Variants in GNAS observed in about 807,000 individuals in gnomAD.
The protein encoded by GNAS is protein ALEX.
Under a neutral mutation model 54.5 loss-of-function variants are expected in GNAS, and 8 were observed. The ratio of observed to expected loss-of-function variants is 0.15; its 90% CI spans 0.09 to 0.26. The LOEUF is 0.26. Ranked by LOEUF, GNAS falls within the 10% of genes least tolerant of loss-of-function variation. The pLI is 1.00. For synonymous variants in GNAS, 204 were observed against 191.4 expected, an observed-to-expected ratio of 1.07 and a Z score of -0.54; for missense variants, 170 against 529.8, an observed-to-expected ratio of 0.32 and a Z score of 6.67.
intron 1 of GNAS, among the ~76,000 whole-genome samples, chr20:58,845,013 G>T (rs528989258): frequency 2.1e-5 from 3 of 144,388 alleles, no homozygotes; most frequent in Admixed American, 7.1e-5. Flanking sequence ...CATCCTGAGA[G>T]TCGTATTTAG....
intron 3 of GNAS, chr20:58,903,076 C>T (rs974391150): frequency 3.0e-6 from 1 of 329,480 alleles, no homozygotes; most frequent in Middle Eastern, 1.1e-3. Flanking sequence ...CCTGTGCTCA[C>T]TGGTTCTCTC....
chr20:58,847,386 C>T (rs561017343), intron 1 of GNAS, among the ~76,000 whole-genome samples: 2 of 152,338 alleles, frequency 1.3e-5, no homozygotes, highest in African/African-American at 2.4e-5. Context: ...GCTGCCTCCA[C>T]CGGCCAAGGC....
intron 6 of GNAS, among the ~76,000 whole-genome samples, chr20:58,907,793 C>T (rs889340938): frequency 3.9e-4 from 59 of 152,360 alleles, no homozygotes; most frequent in African/African-American, 1.4e-3. Context: ...TCAAACAGCC[C>T]TGCATCTGCC....
chr20:58,849,909 A>G (rs2086088865), intron 1 of GNAS, among the ~76,000 whole-genome samples: 1 of 152,198 alleles, frequency 6.6e-6, no homozygotes, highest in Non-Finnish European at 1.5e-5. Flanking sequence ...CAGAACAAAA[A>G]ACTTTCAACA....
In GNAS at chr20:58,898,823, C is replaced by T. The variant is rs188830960; in HGVS notation, c.213-118C>T. The T allele has an allele frequency of 3.6e-5, 33 of 912,522 alleles. 1 individual carries two copies. The highest frequency in any genetic ancestry group is 3.1e-4 in the Middle Eastern group (1 of 3,250). 56.5% of individuals were successfully genotyped at this position (912,522 alleles called of 1,614,324 possible). On this transcript the variant is annotated intron_variant, in intron 2 of 12. Transcript: ENST00000371085. The stretch of plus-strand genomic sequence containing the variant: ...TTGCCGGGAGGATGGATGGCTGGCG[C>T]GCGAATTGTTGCTTTTGCTCTTGGC...
chr20:58,873,319 G>A lies in GNAS; in HGVS notation c.44-22293G>A, dbSNP rs2087588396. Among the ~76,000 whole-genome samples, 1 of 152,130 alleles carries A rather than the reference G, an allele frequency of 6.6e-6. No homozygotes were observed. The highest frequency in any genetic ancestry group is 1.5e-5 in the Non-Finnish European group (1 of 68,020). ...TTGGGAAATGTTTAGTGGAAATTTA[G>A]CATAAAATGACATGCCTAATTTAAG... On this transcript the variant is annotated intron_variant, in intron 1 of 12. Coordinates refer to the GNAS transcript ENST00000306090. The surrounding 1 kb of genome is among the most constrained non-coding windows in gnomAD (Gnocchi z 4.3).
intron 1 of GNAS, among the ~76,000 whole-genome samples, chr20:58,848,298 C>T (rs2145519099): frequency 6.6e-6 from 1 of 152,368 alleles, no homozygotes; most frequent in East Asian, 1.9e-4. Context: ...CAGCCCTACA[C>T]TCCAGCACAC....
intron 1 of GNAS, among the ~76,000 whole-genome samples, chr20:58,874,592 C>T (rs962326657): frequency 3.2e-4 from 49 of 150,778 alleles, no homozygotes; most frequent in African/African-American, 1.1e-3. Flanking sequence ...TCTAGCCTTA[C>T]ATCTTAGCTC....
Position 58,910,120 on chromosome 20 carries a change from G to T in GNAS, c.970+39G>T. On this transcript the variant is annotated intron_variant, in intron 11 of 12. Transcript: ENST00000371085. The surrounding 1 kb of genome is among the most constrained non-coding windows in gnomAD (Gnocchi z 5.8). ...CCACTCTTGCTGGCTGTTCATTGCGGTGGTTCTTTTTCAAACGGTCAGGCT... is the reference window on the plus strand; with the variant it reads ...CCACTCTTGCTGGCTGTTCATTGCGTTGGTTCTTTTTCAAACGGTCAGGCT... 6.2e-7 allele frequency: 1 copy of T among 1,607,552 alleles called. No individual in the cohort carries two copies.
chr20:58,892,128 T>C, intron 1 of GNAS: 1 of 964,998 alleles, frequency 1.0e-6, no homozygotes, highest in Non-Finnish European at 1.2e-6. Context: ...TCAGTGTCTC[T>C]CTCTTGCTCT....
intron 1 of GNAS, among the ~76,000 whole-genome samples, chr20:58,846,638 C>CA (rs2085949848): frequency 6.6e-6 from 1 of 152,232 alleles, no homozygotes; most frequent in Non-Finnish European, 1.5e-5. Flanking sequence ...CCAAGGGGCA[C>CA]AGGCCAAAGA....
chr20:58,854,221 A>G (rs1335062546), intron 1 of GNAS: 3 of 1,613,026 alleles, frequency 1.9e-6, no homozygotes, highest in Non-Finnish European at 2.5e-6. Context: ...GCTGGGGTCG[A>G]CGACACTCCC....
chr20:58,843,222 C>T (rs2145488185), intron 1 of GNAS: 2 of 148,174 alleles, frequency 1.3e-5, no homozygotes, highest in African/African-American at 5.1e-5. Flanking sequence ...CTCCCCCGCT[C>T]AATTCCCCTC....
Position 58,841,594 on chromosome 20 carries a change from C to G in GNAS, c.43+708C>G. 2 of 1,021,180 alleles carry G rather than the reference C, an allele frequency of 2.0e-6. No homozygotes were observed. The highest frequency in any genetic ancestry group is 2.3e-6 in the Non-Finnish European group (2 of 853,844). The allele number at this position is 1,021,180 out of a possible 1,614,324, so 63.3% of individuals were successfully genotyped here. ...GTCGCTCGCGGGACAGAGACCGCCT[C>G]AAAGAGCGTGCGCACCTGCCCGCGC... On this transcript the variant is annotated intron_variant, in intron 1 of 12. Transcript: ENST00000306090. The surrounding 1 kb of genome is among the most constrained non-coding windows in gnomAD (Gnocchi z 5.0).
intron 1 of GNAS, among the ~76,000 whole-genome samples, chr20:58,869,173 T>C (rs6064717): frequency 0.14 from 21,196 of 152,258 alleles, 1,578 homozygotes; most frequent in African/African-American, 0.19. Context: ...GCCCCGGTTC[T>C]CCTGGGAACT....
intron 1 of GNAS, among the ~76,000 whole-genome samples, chr20:58,874,236 G>A (rs2087644804): frequency 6.6e-6 from 1 of 152,232 alleles, no homozygotes; most frequent in African/African-American, 2.4e-5. Flanking sequence ...TGGCCATGCT[G>A]AGGAGGCAGT....
At chr20:58,882,278 C>G (rs1311298015) in intron 1 of GNAS, among the ~76,000 whole-genome samples, 2 of 152,194 alleles carry the variant, frequency 1.3e-5, no homozygotes, top group African/African-American at 2.4e-5. Context: ...ACCATGGTCT[C>G]GATCTCCTGA....
chr20:58,864,355 TG>T (rs1257773755), intron 1 of GNAS, among the ~76,000 whole-genome samples: 1 of 152,198 alleles, frequency 6.6e-6, no homozygotes. Flanking sequence ...GGGGCCTTCA[TG>T]GGCTTTTGAA....
intron 1 of GNAS, among the ~76,000 whole-genome samples, chr20:58,868,229 G>C (rs1256834735): frequency 6.6e-6 from 1 of 152,052 alleles, no homozygotes; most frequent in Admixed American, 6.6e-5. Context: ...ATGTTGGTCA[G>C]GCTGGTCTCA....
Sources: gnomAD v4.1 joint callset for allele counts (sites outside exome capture counted in the v4.1 genomes callset) on GRCh38, gnomAD v4.1.1 for gene constraint, Gnocchi (gnomAD v3.1) non-coding constraint, MANE v1.5 for transcripts, NCBI Gene and HGNC (gene_info 2026-07-23, HGNC 2026-07-21) for gene names.